The following RBPJ variants were observed in gnomAD, a reference collection of about 807,000 sequenced individuals.
RBPJ encodes recombination signal binding protein for immunoglobulin kappa J region.
A neutral mutation model predicts 67.8 loss-of-function variants in RBPJ; 9 were observed. The observed-to-expected ratio is 0.13, with a 90% CI of 0.08 to 0.23. The LOEUF (loss-of-function observed/expected upper bound fraction) is 0.23, where lower values mean the gene tolerates loss of function less well. Among genes scored for constraint, RBPJ ranks in the 10% least tolerant of loss-of-function variants. The pLI, the probability that RBPJ is intolerant of heterozygous loss-of-function variation, is 1.00. For missense variants in RBPJ, 305 were observed against 595.6 expected (o/e 0.51, Z 5.08); for synonymous variants, 198 against 203.3 (o/e 0.97, Z 0.22).
intron 1 of RBPJ, among the ~76,000 whole-genome samples, chr4:26,219,784 G>T (rs1249990952): frequency 2.7e-5 from 4 of 150,564 alleles, no homozygotes; most frequent in East Asian, 1.9e-4. Context: ...TGTTGTTGTT[G>T]TTTTTTTTTG....
At chr4:26,418,387 T>C (rs1431821897) in intron 4 of RBPJ, among the ~76,000 whole-genome samples, 1 of 152,226 alleles carries the variant, frequency 6.6e-6, no homozygotes, top group African/African-American at 2.4e-5. Flanking sequence ...TTGTGGTCAG[T>C]GGCCTTATAG....
At chr4:26,321,003 G>A (rs751531427), upstream of RBPJ, 1 of 1,613,742 alleles carries the variant, frequency 6.2e-7, no homozygotes, top group Admixed American at 1.7e-5. Flanking sequence ...CGCGAGGGTT[G>A]GAGTTTTGGC....
chr4:26,304,819 C>G (rs1431720595), intron 1 of RBPJ, among the ~76,000 whole-genome samples: 2 of 148,092 alleles, frequency 1.4e-5, no homozygotes, highest in African/African-American at 5.0e-5. Flanking sequence ...TTGATAGTGT[C>G]CTTTGAAGCA....
intron 1 of RBPJ, among the ~76,000 whole-genome samples, chr4:26,368,481 G>A (rs7672377): frequency 1 from 152,279 of 152,306 alleles, 76,126 homozygotes; most frequent in Non-Finnish European, 1. Flanking sequence ...ACGAGGTTTT[G>A]TGTTGTCTCT....
intron 1 of RBPJ, among the ~76,000 whole-genome samples, chr4:26,356,387 G>A (rs2109470383): frequency 6.6e-6 from 1 of 152,328 alleles, no homozygotes; most frequent in East Asian, 1.9e-4. Flanking sequence ...TAGACTGGGA[G>A]TGAGAAAGTA....
At chr4:26,415,701 T>C in intron 4 of RBPJ, 61 bp downstream of exon 4, 1 of 1,462,368 alleles carries the variant, frequency 6.8e-7, no homozygotes. Context: ...GTAGTTTTCA[T>C]ATTCATTTTT....
chr4:26,201,703 C>A (rs1252040577), intron 1 of RBPJ, among the ~76,000 whole-genome samples: 1 of 152,194 alleles, frequency 6.6e-6, no homozygotes, highest in Non-Finnish European at 1.5e-5. Flanking sequence ...TCATACCCTG[C>A]AGTGCAAACA....
At chr4:26,265,288 G>A (rs933206482) in intron 1 of RBPJ, among the ~76,000 whole-genome samples, 2 of 152,144 alleles carry the variant, frequency 1.3e-5, no homozygotes, top group African/African-American at 4.8e-5. Flanking sequence ...CAGCACTTTG[G>A]GAGGCTGAGG....
chr4:26,109,477 TATATATATATATATAC>T, the RBPJ span, among the ~76,000 whole-genome samples: 31 of 53,016 alleles, frequency 5.8e-4, no homozygotes, highest in Non-Finnish European at 8.4e-4. Context: ...TATATATATA[TATATATATATATATAC>T]ACACACACAT....
At position 26,434,734 on chromosome 4, in the gene RBPJ, C is replaced by T. The variant is rs1213329300; in HGVS notation, c.*3727C>T. On this transcript the variant is annotated 3_prime_UTR_variant, in exon 11 of 11. Transcript: ENST00000355476. ...TGCAGCATGCTCTACGCATTCAGTC[C>T]TTAAGGGGTTTATTTTACAAACTGT... 1 of 152,068 alleles carries T rather than the reference C, an allele frequency of 6.6e-6. No homozygotes were observed. Among genetic ancestry groups the T allele is most frequent in the African/African-American group, 2.4e-5 (1 of 41,406 alleles). The allele number at this position is 152,068 out of a possible 1,614,324, so 9.4% of individuals were successfully genotyped here.
intron 1 of RBPJ, among the ~76,000 whole-genome samples, chr4:26,229,591 A>G (rs763265399): frequency 6.6e-6 from 1 of 152,148 alleles, no homozygotes; most frequent in Non-Finnish European, 1.5e-5. Context: ...GGCAGAATAA[A>G]GTAATAGTGA....
upstream of RBPJ, among the ~76,000 whole-genome samples, chr4:26,316,657 T>TATATATATATACAC: frequency 8.2e-6 from 1 of 121,306 alleles, no homozygotes; most frequent in African/African-American, 3.8e-5. Flanking sequence ...CACATATTGA[T>TATATATATATACAC]ATATATATAT....
chr4:26,328,227 T>G (rs568882085), intron 1 of RBPJ, among the ~76,000 whole-genome samples: 11 of 152,142 alleles, frequency 7.2e-5, no homozygotes, highest in Middle Eastern at 3.4e-3. Flanking sequence ...TCCTAAGACA[T>G]GTAGGAGGGG....
At chr4:26,316,595 A>AATATATATATACACATATTGAT (rs1470620547), upstream of RBPJ, among the ~76,000 whole-genome samples, 5 of 121,492 alleles carry the variant, frequency 4.1e-5, no homozygotes, top group East Asian at 1.1e-3. Flanking sequence ...TCATATATAT[A>AATATATATATACACATATTGAT]ATATATATAT....
At chr4:26,273,468 G>T (rs148407045) in intron 1 of RBPJ, among the ~76,000 whole-genome samples, 1 of 152,198 alleles carries the variant, frequency 6.6e-6, no homozygotes, top group Non-Finnish European at 1.5e-5. Flanking sequence ...CGGGCCTCCC[G>T]GCCTTGGCAG....
intron 1 of RBPJ, among the ~76,000 whole-genome samples, chr4:26,238,000 G>A (rs1201830102): frequency 6.6e-6 from 1 of 152,024 alleles, no homozygotes; most frequent in East Asian, 1.9e-4. Context: ...TTACAGTTAT[G>A]AGCCATCATG....
chr4:26,177,178 G>A (rs1262762153), intron 1 of RBPJ, among the ~76,000 whole-genome samples: 1 of 152,180 alleles, frequency 6.6e-6, no homozygotes, highest in South Asian at 2.1e-4. Context: ...GCATAGGAGA[G>A]CATCTCATCC....
chr4:26,130,360 C>T, the RBPJ span, among the ~76,000 whole-genome samples: 1 of 152,198 alleles, frequency 6.6e-6, no homozygotes, highest in African/African-American at 2.4e-5. Flanking sequence ...TAATTAAGGA[C>T]AGGCCTCAGT....
intron 1 of RBPJ, among the ~76,000 whole-genome samples, chr4:26,290,324 AAAAAAAAAAAAAAGT>A (rs1721626273): frequency 6.7e-6 from 1 of 149,472 alleles, no homozygotes. Flanking sequence ...GTCTAAAAAA[AAAAAAAAAAAAAAGT>A]AAAAAAAGTT....
Sources: allele counts gnomAD v4.1 joint callset (sites outside exome capture counted in the v4.1 genomes callset), GRCh38; gene constraint gnomAD v4.1.1; transcripts MANE v1.5; gene names NCBI Gene and HGNC (gene_info 2026-07-23, HGNC 2026-07-21).